Variants in COL24A1 observed in about 807,000 individuals in gnomAD.
The protein encoded by COL24A1 is collagen alpha-1(XXIV) chain.
In COL24A1, 224 loss-of-function variants were observed where a neutral mutation model predicts 253.9. That is an observed-to-expected ratio of 0.88 (90% CI 0.79 to 0.99). The LOEUF (loss-of-function observed/expected upper bound fraction) is 0.99. COL24A1 is among the 50% of genes least tolerant of loss of function. The pLI is 0.00. For missense variants in COL24A1, 2,131 were observed against 2,068.5 expected, an observed-to-expected ratio of 1.03 and a Z score of -0.59; for synonymous variants, 685 against 673.7, an observed-to-expected ratio of 1.02 and a Z score of -0.26.
intron 43 of COL24A1, 151 bp from the exon 44 acceptor site, chr1:85,823,889 AT>A (rs1288191635): frequency 4.6e-5 from 32 of 699,258 alleles, no homozygotes; most frequent in Non-Finnish European, 7.7e-5. Context: ...AGAAAAGAAC[AT>A]AATAGCTGTT....
At chr1:85,916,789 C>A (rs1685940287) in intron 24 of COL24A1, among the ~76,000 whole-genome samples, 1 of 152,148 alleles carries the variant, frequency 6.6e-6, no homozygotes, top group African/African-American at 2.4e-5. Flanking sequence ...ACATACACAG[C>A]AGGAAATAGC....
rs114171680 is a variant in COL24A1, at chr1:85,878,350, T to A, written c.2977-1175A>T. On this transcript the variant is annotated intron_variant, in intron 32 of 59. Transcript: ENST00000370571. ...AGAAATGAGCTAGCTCTCTCGTGCA[T>A]CTTTTACAAAGACACTACTCCCAAT... Among the ~76,000 whole-genome samples the A allele has an allele frequency of 9.8e-3, 1,496 of 152,256 alleles. 16 individuals are homozygous for A. The highest frequency in any genetic ancestry group is 0.034 in the African/African-American group (1,410 of 41,550).
chr1:85,763,274 C>T (rs1375179001), intron 53 of COL24A1, among the ~76,000 whole-genome samples: 1 of 151,362 alleles, frequency 6.6e-6, no homozygotes, highest in Admixed American at 6.6e-5. Flanking sequence ...AAAAATTAGC[C>T]GGGTATGGTG....
At chr1:85,882,732 C>A (rs1236339678) in intron 32 of COL24A1, among the ~76,000 whole-genome samples, 2 of 152,098 alleles carry the variant, frequency 1.3e-5, no homozygotes, top group Non-Finnish European at 2.9e-5. Flanking sequence ...ATAATAGAGT[C>A]ATCTATTTTT....
At position 85,868,503 on chromosome 1, in the gene COL24A1, A is replaced by C; in HGVS notation, c.3300+16T>G. On this transcript the variant is annotated intron_variant, in intron 37 of 59. Transcript: ENST00000370571. The stretch of plus-strand genomic sequence containing the variant: ...GAATTCACTTAGTATTTGAAAGTGA[A>C]CCCAGCAGTACTTACCGGAAGGCCT... The C allele has an allele frequency of 6.3e-7, 1 of 1,589,144 alleles. No individual in the cohort carries two copies. Among genetic ancestry groups the C allele is most frequent in the Non-Finnish European group, 8.6e-7 (1 of 1,158,192 alleles).
intron 37 of COL24A1, among the ~76,000 whole-genome samples, chr1:85,850,808 A>C (rs879910930): frequency 6.6e-6 from 1 of 152,292 alleles, no homozygotes; most frequent in East Asian, 1.9e-4. Context: ...TGTAAACTTT[A>C]GAAAGGACTA....
intron 59 of COL24A1, among the ~76,000 whole-genome samples, chr1:85,731,311 A>T (rs1318768284): frequency 6.6e-6 from 1 of 152,232 alleles, no homozygotes; most frequent in African/African-American, 2.4e-5. Context: ...ACCAGACACA[A>T]TAGAGAAAAA....
At chr1:86,146,227 C>T (rs1018507493) in intron 1 of COL24A1, 44 bp from the exon 2 acceptor site, 10 of 1,457,004 alleles carry the variant, frequency 6.9e-6, no homozygotes, top group Non-Finnish European at 8.6e-6. Context: ...ACTAGTTGGA[C>T]ATTTACAACC....
At chr1:86,107,202 TC>T (rs1705066866) in intron 5 of COL24A1, among the ~76,000 whole-genome samples, 1 of 152,106 alleles carries the variant, frequency 6.6e-6, no homozygotes, top group Admixed American at 6.6e-5. Flanking sequence ...CAATTTTGTC[TC>T]CCCCTCTACC....
At chr1:85,899,339 G>T (rs1256900494) in intron 28 of COL24A1, among the ~76,000 whole-genome samples, 1 of 152,068 alleles carries the variant, frequency 6.6e-6, no homozygotes. Flanking sequence ...AATTAATTGG[G>T]CCCTTAAAAC....
At chr1:86,066,109 G>C (rs1167288290) in intron 7 of COL24A1, among the ~76,000 whole-genome samples, 1 of 151,982 alleles carries the variant, frequency 6.6e-6, no homozygotes, top group Non-Finnish European at 1.5e-5. Flanking sequence ...TTGAATCAGT[G>C]TGTATGTCAG....
rs182354761 is a variant in COL24A1, at chr1:85,857,813, C to T, written c.3301-8407G>A. Among the ~76,000 whole-genome samples, 45 of 152,232 alleles carry T rather than the reference C, an allele frequency of 3.0e-4. No individual in the cohort carries two copies. In the East Asian group the frequency reaches 5.6e-3, roughly 19 times the overall value. On this transcript the variant is annotated intron_variant, in intron 37 of 59. Transcript: ENST00000370571. ...TTTCTCTTTGCCTGCTGCCATCCCC[C>T]GCAACCCCAATGCATTCCACTAATC...
chr1:86,040,167 C>G (rs922433563), intron 12 of COL24A1, among the ~76,000 whole-genome samples: 2 of 152,098 alleles, frequency 1.3e-5, no homozygotes, highest in Non-Finnish European at 2.9e-5. Context: ...TGTTCTGTCC[C>G]TCAATAATAA....
At chr1:85,859,485 T>C (rs1678887699) in intron 37 of COL24A1, among the ~76,000 whole-genome samples, 1 of 152,216 alleles carries the variant, frequency 6.6e-6, no homozygotes, top group East Asian at 1.9e-4. Context: ...GAACCCATTA[T>C]ATGTGAGAAA....
intron 28 of COL24A1, among the ~76,000 whole-genome samples, chr1:85,906,970 C>A (rs1684898186): frequency 6.6e-6 from 1 of 151,660 alleles, no homozygotes; most frequent in African/African-American, 2.4e-5. Context: ...GTTAGTGATA[C>A]ATGTAAAAAT....
At chr1:86,059,059 A>T (rs1700869889) in intron 9 of COL24A1, 62 bp downstream of exon 9, 24 of 1,087,698 alleles carry the variant, frequency 2.2e-5, no homozygotes, top group Non-Finnish European at 2.9e-5. Flanking sequence ...TCTCAAAATC[A>T]GAAATACAAT....
intron 59 of COL24A1, among the ~76,000 whole-genome samples, chr1:85,734,450 T>C (rs1403641712): frequency 6.6e-6 from 1 of 152,214 alleles, no homozygotes; most frequent in African/African-American, 2.4e-5. Context: ...TGTCTATCTA[T>C]CCATCCATCC....
intron 2 of COL24A1, among the ~76,000 whole-genome samples, chr1:86,131,031 G>C (rs1461035590): frequency 4.0e-5 from 6 of 151,898 alleles, no homozygotes; most frequent in Admixed American, 1.3e-4. Context: ...AATTTCATGG[G>C]ATATAAAATT....
At chr1:85,842,805 T>G (rs1676758443) in intron 39 of COL24A1, among the ~76,000 whole-genome samples, 1 of 152,120 alleles carries the variant, frequency 6.6e-6, no homozygotes, top group Admixed American at 6.6e-5. Context: ...CCATACTCAT[T>G]GTTAGTTTCA....
Sources: gnomAD v4.1 joint callset for allele counts (sites outside exome capture counted in the v4.1 genomes callset) on GRCh38, gnomAD v4.1.1 for gene constraint, MANE v1.5 for transcripts, NCBI Gene and HGNC (gene_info 2026-07-23, HGNC 2026-07-21) for gene names.